KIAA0930: variants seen among roughly 807,000 people sequenced by gnomAD.
KIAA0930 encodes KIAA0930.
KIAA0930 carries 24 observed loss-of-function variants against 43.9 expected under a neutral mutation model. The ratio of observed to expected loss-of-function variants is 0.55; its 90% CI spans 0.40 to 0.77. The LOEUF (loss-of-function observed/expected upper bound fraction) is 0.77, where lower values mean the gene tolerates loss of function less well. Among genes scored for constraint, KIAA0930 ranks in the 30% least tolerant of loss-of-function variants. KIAA0930 has a pLI of 0.00. For missense variants in KIAA0930, 461 were observed against 574.2 expected, an observed-to-expected ratio of 0.80 and a Z score of 2.02; for synonymous variants, 259 against 216.4, an observed-to-expected ratio of 1.20 and a Z score of -1.73.
rs11912816 is a variant in KIAA0930, at chr22:45,227,102, C to G, written c.64+13538G>C. ...CAGGCACACAGCTGGACCCATCCGCCAATGCCACCCACCCTTGTGCCCAGC... is the reference window on the plus strand; with the variant it reads ...CAGGCACACAGCTGGACCCATCCGCGAATGCCACCCACCCTTGTGCCCAGC... On this transcript the variant is annotated intron_variant, in intron 1 of 9. Transcript: ENST00000336156. 3.7e-3 allele frequency among the ~76,000 whole-genome samples: 566 copies of G among 152,360 alleles called. 5 individuals are homozygous for G. Among genetic ancestry groups the G allele is most frequent in the African/African-American group, 0.013 (539 of 41,588 alleles).
rs773514210 is a variant in KIAA0930, at chr22:45,200,024, G to A, written c.864C>T (p.Phe288=). Residue 288 remains phenylalanine (F), a synonymous_variant, in exon 8 of 10, where the codon TTC becomes TTT. Transcript: ENST00000336156. ...TCCGTTCTGGGGTGGGGGGTGTGCT[G>A]AAGGAGGTCACCTGGGAACAAGCAG... ...ASPMHERVTS[F]STPPTPERNN... is the part of the protein sequence containing the mutation. 10 of 1,591,958 alleles carry A rather than the reference G, an allele frequency of 6.3e-6. No individual in the cohort carries two copies. The highest frequency in any genetic ancestry group is 5.3e-5 in the Admixed American group (3 of 56,714).
chr22:45,198,001 G>A, intron 8 of KIAA0930, 53 bp from the exon 9 acceptor site: 3 of 1,582,714 alleles, frequency 1.9e-6, no homozygotes, highest in Admixed American at 1.7e-5. Context: ...CGCGGCGGGA[G>A]CAGCAGGAGG....
rs539318052 is a variant in KIAA0930, at chr22:45,202,836, T to G, written c.852+154A>C. The G allele has an allele frequency of 2.2e-4, 133 of 600,416 alleles. 2 individuals carry two copies. In the East Asian group the frequency reaches 4.1e-3, roughly 18 times the overall value. The allele number at this position is 600,416 out of a possible 1,614,324, so 37.2% of individuals were successfully genotyped here. On this transcript the variant is annotated intron_variant, in intron 7 of 9. Coordinates refer to ENST00000336156, the MANE Select transcript of KIAA0930 (RefSeq NM_001009880.2). ...CCGCTAGGCAAAGAGAAGGGCTGGG[T>G]GGTCCGGGCCTCCGCACGCTCGGCA...
chr22:45,215,355 A>T (rs1334688145), intron 1 of KIAA0930, among the ~76,000 whole-genome samples: 1 of 152,240 alleles, frequency 6.6e-6, no homozygotes, highest in Non-Finnish European at 1.5e-5. Flanking sequence ...ATTGAACTGG[A>T]ACTCTCCGAT....
chr22:45,200,530 C>A (rs975388282), intron 7 of KIAA0930, among the ~76,000 whole-genome samples: 3 of 152,140 alleles, frequency 2.0e-5, no homozygotes, highest in African/African-American at 7.2e-5. Context: ...TGTCTTCTGT[C>A]CCCCAGGGCC....
chr22:45,231,828 T>C (rs776626743), intron 1 of KIAA0930, among the ~76,000 whole-genome samples: 1 of 152,072 alleles, frequency 6.6e-6, no homozygotes, highest in Non-Finnish European at 1.5e-5. Flanking sequence ...CCGTCTCTAC[T>C]AAAAATACGA....
In KIAA0930 at chr22:45,193,797, A is replaced by G. The variant is rs2083511307; in HGVS notation, c.*3379T>C. On this transcript the variant is annotated 3_prime_UTR_variant, in exon 10 of 10. Coordinates refer to ENST00000336156, the MANE Select transcript of KIAA0930 (RefSeq NM_001009880.2). ...GGCAACTAGGCACTTCCAGCAGGACATGAGAATGTAAGATGGCCACTACCG... is the reference window on the plus strand; with the variant it reads ...GGCAACTAGGCACTTCCAGCAGGACGTGAGAATGTAAGATGGCCACTACCG... The G allele has an allele frequency of 6.6e-6, 1 of 152,230 alleles. No individual in the cohort carries two copies. The highest frequency in any genetic ancestry group is 2.4e-5 in the African/African-American group (1 of 41,444). The allele number at this position is 152,230 out of a possible 1,614,324, so 9.4% of individuals were successfully genotyped here.
chr22:45,207,603 C>T (rs767710849), intron 2 of KIAA0930: 34 of 167,710 alleles, frequency 2.0e-4, no homozygotes, highest in Non-Finnish European at 4.8e-4. Context: ...GGATTACAGG[C>T]GTGAGCCACC....
chr22:45,217,356 G>A (rs1449316867), intron 1 of KIAA0930, among the ~76,000 whole-genome samples: 5 of 64,724 alleles, frequency 7.7e-5, no homozygotes, highest in African/African-American at 1.4e-4. Flanking sequence ...GCAAGACCCC[G>A]TCTCAAAAAA....
chr22:45,211,927 C>T (rs748000469), intron 2 of KIAA0930, 29 bp downstream of exon 2: 89 of 1,601,624 alleles, frequency 5.6e-5, no homozygotes, highest in Admixed American at 3.8e-4. Flanking sequence ...GGGGCACAGA[C>T]GCAGGGGCAG....
chr22:45,204,489 T>TA (rs2083617944), intron 5 of KIAA0930, among the ~76,000 whole-genome samples: 2 of 152,232 alleles, frequency 1.3e-5, no homozygotes, highest in South Asian at 4.1e-4. Context: ...CACAAAGACT[T>TA]AGACGCAAAT....
At chr22:45,235,716 G>A (rs5766579) in intron 1 of KIAA0930, among the ~76,000 whole-genome samples, 50,332 of 152,170 alleles carry the variant, frequency 0.33, 9,846 homozygotes, top group African/African-American at 0.53. Flanking sequence ...TGCTGAGCCT[G>A]TACCTGCCAC....
At chr22:45,224,249 C>T (rs1450286612) in intron 1 of KIAA0930, among the ~76,000 whole-genome samples, 1 of 152,210 alleles carries the variant, frequency 6.6e-6, no homozygotes, top group Non-Finnish European at 1.5e-5. Context: ...GAAGGAATTA[C>T]ACGCACATGC....
intron 2 of KIAA0930, among the ~76,000 whole-genome samples, chr22:45,210,101 G>A (rs2083679448): frequency 6.6e-6 from 1 of 152,142 alleles, no homozygotes; most frequent in South Asian, 2.1e-4. Context: ...GACCTCTCTG[G>A]AATCAAAATT....
chr22:45,229,931 G>T (rs148933103), intron 1 of KIAA0930, among the ~76,000 whole-genome samples: 3,417 of 152,244 alleles, frequency 0.022, 112 homozygotes, highest in African/African-American at 0.078. Flanking sequence ...CTGTCTCTAC[G>T]AAAAATACAA....
intron 5 of KIAA0930, 67 bp downstream of exon 5, chr22:45,205,150 G>A (rs563457001): frequency 4.5e-6 from 6 of 1,329,072 alleles, no homozygotes; most frequent in African/African-American, 2.9e-5. Flanking sequence ...AGGCCGCGGG[G>A]AGAAGCGCCT....
intron 1 of KIAA0930, among the ~76,000 whole-genome samples, chr22:45,238,624 C>T (rs1217160964): frequency 2.6e-5 from 4 of 152,170 alleles, no homozygotes; most frequent in African/African-American, 9.6e-5. Context: ...GCTTTCCGGG[C>T]AGAGAAAACA....
At chr22:45,212,479 G>A (rs11090732) in intron 1 of KIAA0930, 38 of 1,437,776 alleles carry the variant, frequency 2.6e-5, no homozygotes, top group African/African-American at 1.1e-4. Context: ...AGGCTTGGCT[G>A]GGGGGGAGCC....
At position 45,197,065 on chromosome 22, in the gene KIAA0930, G is replaced by C; in HGVS notation, c.*111C>G. 1.1e-6 allele frequency: 1 copy of C among 947,618 alleles called. No individual in the cohort carries two copies. Among genetic ancestry groups the C allele is most frequent in the Non-Finnish European group, 1.5e-6 (1 of 660,660 alleles). 58.7% of individuals were successfully genotyped at this position (947,618 alleles called of 1,614,324 possible). ...AGTCGAGTGGCCTCGCCTGGCTGCG[G>C]CTCCAGCACTGGCGTGCCATCGCAG... On this transcript the variant is annotated 3_prime_UTR_variant, in exon 10 of 10. Transcript: ENST00000336156.
Sources: gnomAD v4.1 joint callset for allele counts (sites outside exome capture counted in the v4.1 genomes callset) on GRCh38, gnomAD v4.1.1 for gene constraint, MANE v1.5 for transcripts, NCBI Gene and HGNC (gene_info 2026-07-23, HGNC 2026-07-21) for gene names.